The following CLN8 variants were observed in gnomAD, a reference collection of about 807,000 sequenced individuals.
The protein encoded by CLN8 is protein CLN8.
Under a neutral mutation model 15.7 loss-of-function variants are expected in CLN8, and 14 were observed. The observed-to-expected ratio is 0.89, with a 90% CI of 0.59 to 1.39. The LOEUF is 1.39. Ranked by LOEUF, CLN8 falls within the 40% of genes most tolerant of loss-of-function variation. The pLI is 0.00. For missense variants in CLN8, 415 were observed against 364.0 expected (o/e 1.14, Z -1.14); for synonymous variants, 188 against 151.0 (o/e 1.25, Z -1.80).
chr8:1,753,525 C>T (rs1415081779), upstream of CLN8, among the ~76,000 whole-genome samples: 1 of 143,628 alleles, frequency 7.0e-6, no homozygotes, highest in East Asian at 2.1e-4. Flanking sequence ...GAGCCAAGAT[C>T]ACGCCATTGC....
chr8:1,759,517 G>C (rs1585118830), upstream of CLN8: 1 of 152,366 alleles, frequency 6.6e-6, no homozygotes, highest in East Asian at 1.9e-4. Context: ...TGAGGGATGA[G>C]GAGTATGATA....
chr8:1,754,901 A>C (rs919001622), upstream of CLN8, among the ~76,000 whole-genome samples: 1 of 152,206 alleles, frequency 6.6e-6, no homozygotes, highest in Non-Finnish European at 1.5e-5. Context: ...GCAGGCCGGA[A>C]GTTCTTTCTT....
At chr8:1,756,778 G>C (rs565942240) in intron 1 of CLN8, among the ~76,000 whole-genome samples, 26 of 151,226 alleles carry the variant, frequency 1.7e-4, no homozygotes, top group Non-Finnish European at 3.7e-4. Flanking sequence ...TGCCTCCCGG[G>C]TTCAAGCAAT....
rs564074916 is a variant in CLN8 at position 1,780,354 on chromosome 8, C to T, written c.648C>T (p.Phe216=). 146 of 1,614,248 alleles carry T rather than the reference C, an allele frequency of 9.0e-5. 4 individuals carry two copies. In the South Asian group the frequency reaches 1.6e-3, roughly 17 times the overall value. ...VLTYHMWWVC[F]WHWDGLVSSL... Reference sequence around the variant, plus strand: ...CCTACCACATGTGGTGGGTGTGTTTCTGGCACTGGGACGGCCTGGTCAGCA... The same window carrying T: ...CCTACCACATGTGGTGGGTGTGTTTTTGGCACTGGGACGGCCTGGTCAGCA... Residue 216 remains phenylalanine, a synonymous_variant, in exon 3 of 3, where the codon TTC becomes TTT. Transcript: ENST00000331222.
At chr8:1,776,442 C>A (rs1159458101) in intron 2 of CLN8, among the ~76,000 whole-genome samples, 1 of 150,668 alleles carries the variant, frequency 6.6e-6, no homozygotes, top group African/African-American at 2.5e-5. Context: ...GGCCCTGCTC[C>A]AATATACACA....
At position 1,776,177 on chromosome 8, in the gene CLN8, A is replaced by G. The variant is rs368785260; in HGVS notation, c.544-4073A>G. On this transcript the variant is annotated intron_variant, in intron 2 of 2. Coordinates refer to ENST00000331222, the MANE Select transcript of CLN8 (RefSeq NM_018941.4). ...CCCGGCACACAAATGATGACAAAAG[A>G]TTTTGGAAGCTGGAATCTGTCAGGG... Among the ~76,000 whole-genome samples, 5 of 151,970 alleles carry G rather than the reference A, an allele frequency of 3.3e-5. No homozygotes were observed. In the East Asian group the frequency reaches 9.8e-4, roughly 30 times the overall value.
At chr8:1,757,764 TA>T (rs1445950260) in intron 1 of CLN8, among the ~76,000 whole-genome samples, 1 of 152,188 alleles carries the variant, frequency 6.6e-6, no homozygotes, top group Admixed American at 6.5e-5. Context: ...TGGGCATTTT[TA>T]AAGGCTGGTT....
At chr8:1,779,375 C>G (rs1801632990) in intron 2 of CLN8, among the ~76,000 whole-genome samples, 1 of 152,166 alleles carries the variant, frequency 6.6e-6, no homozygotes, top group African/African-American at 2.4e-5. Flanking sequence ...CCCAAATTAG[C>G]TGGGATTACA....
At chr8:1,763,289 C>A (rs1800855509), upstream of CLN8, 1 of 151,030 alleles carries the variant, frequency 6.6e-6, no homozygotes, top group South Asian at 1.9e-4. Context: ...GCCCGCGGAG[C>A]CCCACCGCCC....
In CLN8 at chr8:1,771,463, A is replaced by G. The variant is rs1801302827; in HGVS notation, c.409A>G (p.Ile137Val). Residue 137 changes from isoleucine to valine, a missense_variant, in exon 2 of 3, where the codon ATC becomes GTC. By Grantham distance (29) the Ile-to-Val change is conservative. Transcript: ENST00000331222. ...CCGGACATTTGACTTGTTTCTGGTT[A>G]TCCACCATCTCTTTGCCTTTCTTGG... ...IFRTFDLFLV[I>V]HHLFAFLGFL... 2 of 1,614,098 alleles carry G rather than the reference A, an allele frequency of 1.2e-6. No homozygotes were observed. Among genetic ancestry groups the G allele is most frequent in the Non-Finnish European group, 1.7e-6 (2 of 1,180,048 alleles).
chr8:1,755,507 C>G (rs1240926994), upstream of CLN8, among the ~76,000 whole-genome samples: 1 of 152,198 alleles, frequency 6.6e-6, no homozygotes, highest in Non-Finnish European at 1.5e-5. Flanking sequence ...CCCGTTCTAC[C>G]CCTTCAGAGA....
Position 1,772,926 on chromosome 8 carries a change from G to A in CLN8, c.543+1329G>A, listed in dbSNP as rs1401708395. ...TACTGCACATTTCTTGTCTACAGGAGACTGGTAGCCTCGAGAGGAAAAATA... is the reference window on the plus strand; with the variant it reads ...TACTGCACATTTCTTGTCTACAGGAAACTGGTAGCCTCGAGAGGAAAAATA... On this transcript the variant is annotated intron_variant, in intron 2 of 2. Transcript: ENST00000331222. 30 of 398,490 alleles carry A rather than the reference G, an allele frequency of 7.5e-5. No homozygotes were observed. Among genetic ancestry groups the A allele is most frequent in the Non-Finnish European group, 1.2e-4 (26 of 226,072 alleles). The allele number at this position is 398,490 out of a possible 1,614,324, so 24.7% of individuals were successfully genotyped here.
chr8:1,778,686 G>C (rs1801606479), intron 2 of CLN8, among the ~76,000 whole-genome samples: 1 of 152,206 alleles, frequency 6.6e-6, no homozygotes, highest in South Asian at 2.1e-4. Context: ...AGGGTGCCGT[G>C]ATGCACATGC....
Position 1,784,637 on chromosome 8 carries a change from C to T in CLN8, c.*4070C>T, listed in dbSNP as rs1183545245. 6.6e-6 allele frequency: 1 copy of T among 152,320 alleles called. No individual in the cohort carries two copies. Among genetic ancestry groups the T allele is most frequent in the East Asian group, 1.9e-4 (1 of 5,192 alleles). 9.4% of individuals were successfully genotyped at this position (152,320 alleles called of 1,614,324 possible). A position where few individuals can be genotyped will look rare whatever the true frequency, so the allele number is the denominator to read the frequency against. Reference sequence around the variant, plus strand: ...GGCAGGGTTGCATCTGTTTTATTCTCTGATTGATTCTAAGCCCCATGTCCC... The same window carrying T: ...GGCAGGGTTGCATCTGTTTTATTCTTTGATTGATTCTAAGCCCCATGTCCC... On this transcript the variant is annotated 3_prime_UTR_variant, in exon 3 of 3. Transcript: ENST00000331222.
rs527616195 is a variant in CLN8, at chr8:1,776,904, G to T, written c.544-3346G>T. Among the ~76,000 whole-genome samples, 12 of 152,308 alleles carry T rather than the reference G, an allele frequency of 7.9e-5. No individual in the cohort carries two copies. In the East Asian group the frequency reaches 2.1e-3, roughly 27 times the overall value. ...CTGAGTTTGTCCACGCAGCAGAAGGGTGGGCAGCAGTCTGGATGGTTTACA... is the reference window on the plus strand; with the variant it reads ...CTGAGTTTGTCCACGCAGCAGAAGGTTGGGCAGCAGTCTGGATGGTTTACA... On this transcript the variant is annotated intron_variant, in intron 2 of 2. Transcript: ENST00000331222.
At chr8:1,768,224 G>T (rs551858972) in intron 1 of CLN8, among the ~76,000 whole-genome samples, 1 of 152,284 alleles carries the variant, frequency 6.6e-6, no homozygotes, top group Non-Finnish European at 1.5e-5. Context: ...GATTACAGGT[G>T]TGAGCCACCA....
intron 2 of CLN8, among the ~76,000 whole-genome samples, chr8:1,778,650 G>A (rs567719425): frequency 7.9e-5 from 12 of 152,294 alleles, no homozygotes; most frequent in South Asian, 2.1e-4. Flanking sequence ...CCGCACTGGC[G>A]GTCTCTGAAG....
upstream of CLN8, among the ~76,000 whole-genome samples, chr8:1,755,010 C>T (rs1289987289): frequency 1.3e-5 from 2 of 152,208 alleles, no homozygotes; most frequent in African/African-American, 2.4e-5. Flanking sequence ...CTCTTCCCTA[C>T]AGACCTCCGA....
chr8:1,757,654 A>C (rs1172349345), intron 1 of CLN8, among the ~76,000 whole-genome samples: 3 of 151,410 alleles, frequency 2.0e-5, no homozygotes, highest in Non-Finnish European at 4.4e-5. Flanking sequence ...CTGGTCACGA[A>C]CTCCTGACCT....
Sources: gnomAD v4.1 joint callset for allele counts (sites outside exome capture counted in the v4.1 genomes callset) on GRCh38, gnomAD v4.1.1 for gene constraint, MANE v1.5 for transcripts, NCBI Gene and HGNC (gene_info 2026-07-23, HGNC 2026-07-21) for gene names.